TMEM8B: variants seen among roughly 807,000 people sequenced by gnomAD.
The protein encoded by TMEM8B is nasopharyngeal carcinoma expressed 6.
A neutral mutation model predicts 49.3 loss-of-function variants in TMEM8B; 29 were observed. That is an observed-to-expected ratio of 0.59 (90% CI 0.44 to 0.80). The LOEUF (loss-of-function observed/expected upper bound fraction) is 0.80. TMEM8B is among the 30% of genes least tolerant of loss of function. The pLI, the probability that TMEM8B is intolerant of heterozygous loss-of-function variation, is 0.00. For missense variants in TMEM8B, 575 were observed against 658.5 expected, an observed-to-expected ratio of 0.87 and a Z score of 1.39; for synonymous variants, 264 against 272.8, an observed-to-expected ratio of 0.97 and a Z score of 0.32.
intron 3 of TMEM8B, among the ~76,000 whole-genome samples, chr9:35,836,983 A>G (rs1830506187): frequency 6.6e-6 from 1 of 152,168 alleles, no homozygotes; most frequent in Admixed American, 6.5e-5. Flanking sequence ...ATGGTCCTCA[A>G]AGGGTTCTTC....
Position 35,852,939 on chromosome 9 carries a change from T to C in TMEM8B, c.2288T>C (p.Ile763Thr). The change falls in exon 11 of 13, where the codon ATT becomes ACT. Residue 763 changes from isoleucine (I) to threonine (T), a missense_variant. Coordinates refer to ENST00000643932, the MANE Select transcript of TMEM8B (RefSeq NM_001042590.4). ...TTAATGTCCGTGTGGGTCACTGTCATTGCCATGGCTCGTTTACAGCCCGTG... is the reference window on the plus strand; with the variant it reads ...TTAATGTCCGTGTGGGTCACTGTCACTGCCATGGCTCGTTTACAGCCCGTG... ...GSLMSVWVTVIAMARLQPVVK... is the reference protein window; with the variant it reads ...GSLMSVWVTVTAMARLQPVVK... 6.2e-7 allele frequency: 1 copy of C among 1,614,244 alleles called. No homozygotes were observed. Among genetic ancestry groups the C allele is most frequent in the East Asian group, 2.2e-5 (1 of 44,890 alleles).
intron 1 of TMEM8B, among the ~76,000 whole-genome samples, chr9:35,833,538 C>T (rs1438519561): frequency 1.3e-5 from 2 of 152,160 alleles, no homozygotes. Context: ...TGGCTCTGCT[C>T]CTGACAATCA....
At chr9:35,831,214 G>T (rs1829861417) in intron 1 of TMEM8B, among the ~76,000 whole-genome samples, 1 of 152,134 alleles carries the variant, frequency 6.6e-6, no homozygotes, top group South Asian at 2.1e-4. Flanking sequence ...GTACATGCTT[G>T]TGTGTTGTTA....
At chr9:35,846,637 C>T (rs2132347722) in intron 9 of TMEM8B, 26 bp downstream of exon 9, 3 of 1,569,548 alleles carry the variant, frequency 1.9e-6, no homozygotes, top group Non-Finnish European at 8.6e-7. Context: ...AGGGAGCGGG[C>T]TGCGGTGGAC....
At position 35,861,966 on chromosome 9, in the gene TMEM8B, T is replaced by C. The variant is rs1832661509; in HGVS notation, c.*8126T>C. Reference sequence around the variant, plus strand: ...CTTAAAGGACAGTTTCAGGAACATATAGGGGCACTTGGGTAATCTTGGTCA... The same window carrying C: ...CTTAAAGGACAGTTTCAGGAACATACAGGGGCACTTGGGTAATCTTGGTCA... On this transcript the variant is annotated 3_prime_UTR_variant, in exon 13 of 13. Transcript: ENST00000643932. The C allele has an allele frequency of 6.6e-6, 1 of 152,192 alleles. No individual in the cohort carries two copies. Among genetic ancestry groups the C allele is most frequent in the East Asian group, 1.9e-4 (1 of 5,196 alleles). 9.4% of individuals were successfully genotyped at this position (152,192 alleles called of 1,614,324 possible). A position where few individuals can be genotyped will look rare whatever the true frequency, so the allele number is the denominator to read the frequency against.
chr9:35,842,316 A>C lies in TMEM8B; in HGVS notation c.1310-76A>C. On this transcript the variant is annotated intron_variant, in intron 5 of 12. Coordinates refer to ENST00000643932, the MANE Select transcript of TMEM8B (RefSeq NM_001042590.4). The surrounding 1 kb of genome is among the most constrained non-coding windows in gnomAD (Gnocchi z 5.6). Reference sequence around the variant, plus strand: ...CCCCACTCTTTGCGAAATCCTGTCTAGCTCAGATGTGTTTATGAGTAAGTT... The same window carrying C: ...CCCCACTCTTTGCGAAATCCTGTCTCGCTCAGATGTGTTTATGAGTAAGTT... 8.7e-7 allele frequency: 1 copy of C among 1,147,192 alleles called. No individual in the cohort carries two copies. The allele number at this position is 1,147,192 out of a possible 1,614,324, so 71.1% of individuals were successfully genotyped here. A position where few individuals can be genotyped will look rare whatever the true frequency, so the allele number is the denominator to read the frequency against.
chr9:35,850,002 CT>C (rs1328921031), intron 10 of TMEM8B, among the ~76,000 whole-genome samples: 3 of 152,192 alleles, frequency 2.0e-5, no homozygotes, highest in African/African-American at 7.2e-5. Context: ...ACAAGCCCAC[CT>C]TCTCATTACG....
intron 3 of TMEM8B, chr9:35,835,488 C>G (rs1049658415): frequency 5.9e-6 from 2 of 337,832 alleles, no homozygotes; most frequent in African/African-American, 4.2e-5. Context: ...GGCTCTGGCA[C>G]AGGGGAGTAG....
Position 35,856,751 on chromosome 9 carries a change from G to C in TMEM8B, c.*2911G>C, listed in dbSNP as rs574798439. ...TTGGGTGTGTGGGGTGGTGAGGTATGAGAGAGCCTAGGATGATGGTGATAT... is the reference window on the plus strand; with the variant it reads ...TTGGGTGTGTGGGGTGGTGAGGTATCAGAGAGCCTAGGATGATGGTGATAT... On this transcript the variant is annotated 3_prime_UTR_variant, in exon 13 of 13. Transcript: ENST00000643932. The C allele has an allele frequency of 6.6e-6, 1 of 152,326 alleles. No homozygotes were observed. The highest frequency in any genetic ancestry group is 2.4e-5 in the African/African-American group (1 of 41,460). 9.4% of individuals were successfully genotyped at this position (152,326 alleles called of 1,614,324 possible). A position where few individuals can be genotyped will look rare whatever the true frequency, so the allele number is the denominator to read the frequency against.
rs185529646 is a variant in TMEM8B at position 35,861,661 on chromosome 9, A to T, written c.*7821A>T. 6.6e-6 allele frequency: 1 copy of T among 152,496 alleles called. No homozygotes were observed. Among genetic ancestry groups the T allele is most frequent in the Admixed American group, 6.5e-5 (1 of 15,298 alleles). 9.4% of individuals were successfully genotyped at this position (152,496 alleles called of 1,614,324 possible). On this transcript the variant is annotated 3_prime_UTR_variant, in exon 13 of 13. Transcript: ENST00000643932. The stretch of plus-strand genomic sequence containing the variant: ...TGTGTGACACTGACCAAGACACTTG[A>T]CCTCTCTCAGACTCAGCTTCCTCCT...
Position 35,853,239 on chromosome 9 carries a change from G to T in TMEM8B, c.2421G>T (p.Gly807=). The change falls in exon 12 of 13, where the codon GGG becomes GGT. Residue 807 remains glycine, a synonymous_variant. Transcript: ENST00000643932. The surrounding 1 kb of genome is among the most constrained non-coding windows in gnomAD (Gnocchi z 4.2). ...TTGGACCCAGTCTCTTCGCCCTGGG[G>T]ATCTTGGCCACAGCCTGGGTAAGGG... ...NLLGPSLFAL[G]ILATAWTVRS... is the part of the protein sequence containing the mutation. The T allele has an allele frequency of 2.5e-6, 4 of 1,613,780 alleles. No individual in the cohort carries two copies. Among genetic ancestry groups the T allele is most frequent in the Non-Finnish European group, 3.4e-6 (4 of 1,179,720 alleles).
chr9:35,851,065 A>C (rs946157291), intron 10 of TMEM8B, among the ~76,000 whole-genome samples: 1 of 152,220 alleles, frequency 6.6e-6, no homozygotes, highest in Non-Finnish European at 1.5e-5. Context: ...TAGTTGAAAA[A>C]TAAACCAGTC....
intron 3 of TMEM8B, 50 bp downstream of exon 3, chr9:35,835,268 CT>C: frequency 4.8e-6 from 2 of 413,154 alleles, no homozygotes; most frequent in Admixed American, 8.8e-5. Flanking sequence ...CCTTCCATCT[CT>C]GCTGAATTCC....
In TMEM8B at chr9:35,842,716, C is replaced by A; in HGVS notation, c.1634C>A (p.Ala545Glu). 4 of 1,610,494 alleles carry A rather than the reference C, an allele frequency of 2.5e-6. No homozygotes were observed. Among genetic ancestry groups the A allele is most frequent in the South Asian group, 1.1e-5 (1 of 90,530 alleles). The change falls in exon 6 of 13, where the codon GCG (alanine) becomes GAG (glutamate). Residue 545 changes from alanine to glutamate, a missense_variant and splice_region_variant. Ala to Glu is a moderately radical substitution (Grantham distance 107). Transcript: ENST00000643932. The surrounding 1 kb of genome is among the most constrained non-coding windows in gnomAD (Gnocchi z 5.6). ...GVLSLELQLNASSVRQENVTV... is the reference protein window; with the variant it reads ...GVLSLELQLNESSVRQENVTV... ...CTCAGCCTGGAGCTCCAGCTCAATG[C>A]GGTACTCTTTATGGAGAGTGGGGAG...
chr9:35,856,296 C>T lies in TMEM8B; in HGVS notation c.*2456C>T, dbSNP rs886678910. The T allele has an allele frequency of 2.0e-5, 3 of 152,212 alleles. No individual in the cohort carries two copies. Among genetic ancestry groups the T allele is most frequent in the South Asian group, 2.1e-4 (1 of 4,826 alleles). The allele number at this position is 152,212 out of a possible 1,614,324, so 9.4% of individuals were successfully genotyped here. ...AATATATGTTAGCTTAAGGTCACCA[C>T]GTGTTTGGACATGGAGAGGGAACAG... is the stretch of plus-strand genomic sequence containing the variant. On this transcript the variant is annotated 3_prime_UTR_variant, in exon 13 of 13. Coordinates refer to ENST00000643932, the MANE Select transcript of TMEM8B (RefSeq NM_001042590.4).
chr9:35,858,103 T>G lies in TMEM8B; in HGVS notation c.*4263T>G, dbSNP rs1763238810. On this transcript the variant is annotated 3_prime_UTR_variant, in exon 13 of 13. Coordinates refer to ENST00000643932, the MANE Select transcript of TMEM8B (RefSeq NM_001042590.4). ...CTGGTGCTGTTCCATTTTTTTTCTT[T>G]CTTTCTTTTTTTTTTTTTTGAGACG... 9.5e-6 allele frequency: 1 copy of G among 105,272 alleles called. No homozygotes were observed. Among genetic ancestry groups the G allele is most frequent in the Non-Finnish European group, 2.1e-5 (1 of 46,518 alleles). 6.5% of individuals were successfully genotyped at this position (105,272 alleles called of 1,614,324 possible). A position where few individuals can be genotyped will look rare whatever the true frequency, so the allele number is the denominator to read the frequency against.
At position 35,862,152 on chromosome 9, in the gene TMEM8B, A is replaced by G. The variant is rs1028893170; in HGVS notation, c.*8312A>G. 5 of 152,280 alleles carry G rather than the reference A, an allele frequency of 3.3e-5. No individual in the cohort carries two copies. Among genetic ancestry groups the G allele is most frequent in the African/African-American group, 1.2e-4 (5 of 41,472 alleles). The allele number at this position is 152,280 out of a possible 1,614,324, so 9.4% of individuals were successfully genotyped here. A position where few individuals can be genotyped will look rare whatever the true frequency, so the allele number is the denominator to read the frequency against. On this transcript the variant is annotated 3_prime_UTR_variant, in exon 13 of 13. Transcript: ENST00000643932. ...CCTACTATGTGTTAGGCCCTGGGCCAGGTGCTGGGAATACAGCAGAGACAG... is the reference window on the plus strand; with the variant it reads ...CCTACTATGTGTTAGGCCCTGGGCCGGGTGCTGGGAATACAGCAGAGACAG...
In TMEM8B at chr9:35,829,271, C is replaced by A. The variant is rs1829582498; in HGVS notation, c.-177C>A. 8.4e-6 allele frequency: 3 copies of A among 358,910 alleles called. No individual in the cohort carries two copies. Among genetic ancestry groups the A allele is most frequent in the Admixed American group, 9.4e-5 (2 of 21,346 alleles). 22.2% of individuals were successfully genotyped at this position (358,910 alleles called of 1,614,324 possible). The stretch of plus-strand genomic sequence containing the variant: ...GGCCGCCGCCGCGGGGCCTGGTTAT[C>A]GCCGGTTCAGCGCAGCCCGGAGTCG... On this transcript the variant is annotated 5_prime_UTR_variant, in exon 1 of 13. Coordinates refer to ENST00000643932, the MANE Select transcript of TMEM8B (RefSeq NM_001042590.4).
intron 1 of TMEM8B, among the ~76,000 whole-genome samples, chr9:35,833,087 G>A (rs1032008535): frequency 7.9e-5 from 12 of 152,080 alleles, no homozygotes; most frequent in African/African-American, 1.4e-4. Flanking sequence ...CAGCTCTCTG[G>A]GGTGACTCCT....
Sources: gnomAD v4.1 joint callset for allele counts (sites outside exome capture counted in the v4.1 genomes callset) on GRCh38, gnomAD v4.1.1 for gene constraint, Gnocchi (gnomAD v3.1) non-coding constraint, MANE v1.5 for transcripts, NCBI Gene and HGNC (gene_info 2026-07-23, HGNC 2026-07-21) for gene names.